The following PPP1R9A variants were observed in gnomAD, a reference collection of about 807,000 sequenced individuals.
The protein encoded by PPP1R9A is neurabin-1.
In PPP1R9A, 59 loss-of-function variants were observed where a neutral mutation model predicts 141.9. That is an observed-to-expected ratio of 0.42 (90% CI 0.34 to 0.52). PPP1R9A has a LOEUF of 0.52. Ranked by LOEUF, PPP1R9A falls within the 20% of genes least tolerant of loss-of-function variation. The pLI is 0.10. For missense variants in PPP1R9A, 1,444 were observed against 1,611.9 expected (o/e 0.90, Z 1.78); for synonymous variants, 500 against 569.7 (o/e 0.88, Z 1.74).
intron 2 of PPP1R9A, among the ~76,000 whole-genome samples, chr7:94,965,620 A>C (rs994726792): frequency 7.2e-5 from 11 of 152,184 alleles, no homozygotes; most frequent in African/African-American, 2.7e-4. Flanking sequence ...GTCAAGGATC[A>C]GATGGTTGTA....
intron 2 of PPP1R9A, among the ~76,000 whole-genome samples, chr7:95,086,194 G>T (rs948277181): frequency 6.6e-6 from 1 of 151,940 alleles, no homozygotes. Context: ...TGTTAGAATA[G>T]TTTTAAAATA....
chr7:94,957,754 T>G (rs930063494), intron 2 of PPP1R9A, among the ~76,000 whole-genome samples: 3 of 152,074 alleles, frequency 2.0e-5, no homozygotes, highest in Non-Finnish European at 4.4e-5. Context: ...ATATCCTACT[T>G]AGCCCACTTT....
intron 2 of PPP1R9A, among the ~76,000 whole-genome samples, chr7:95,073,322 A>G (rs1814280802): frequency 6.6e-6 from 1 of 152,020 alleles, no homozygotes; most frequent in African/African-American, 2.4e-5. Context: ...ATGAATTTAT[A>G]TTGTTTTAAT....
intron 2 of PPP1R9A, among the ~76,000 whole-genome samples, chr7:95,073,476 C>G (rs1423649156): frequency 6.6e-6 from 1 of 151,906 alleles, no homozygotes; most frequent in African/African-American, 2.4e-5. Flanking sequence ...TTGCCTGTCT[C>G]TTTTATAACT....
At chr7:95,033,892 T>C (rs1305993069) in intron 2 of PPP1R9A, among the ~76,000 whole-genome samples, 1 of 152,184 alleles carries the variant, frequency 6.6e-6, no homozygotes, top group Non-Finnish European at 1.5e-5. Context: ...TGATGCTATA[T>C]ACCAATGCTG....
chr7:95,091,946 C>CT (rs1399553252), intron 2 of PPP1R9A, among the ~76,000 whole-genome samples: 1 of 151,526 alleles, frequency 6.6e-6, no homozygotes, highest in Non-Finnish European at 1.5e-5. Context: ...GGCCAACTGT[C>CT]TGTCATCTGT....
At chr7:95,266,707 C>A (rs565581991) in intron 12 of PPP1R9A, among the ~76,000 whole-genome samples, 1 of 152,200 alleles carries the variant, frequency 6.6e-6, no homozygotes, top group African/African-American at 2.4e-5. Context: ...TATTATAGAG[C>A]ATACAATCCA....
intron 2 of PPP1R9A, among the ~76,000 whole-genome samples, chr7:95,028,955 T>A (rs1807277909): frequency 6.6e-6 from 1 of 152,136 alleles, no homozygotes; most frequent in Non-Finnish European, 1.5e-5. Flanking sequence ...TGCAGATTGG[T>A]CTCAGAAGAA....
chr7:95,101,889 C>T (rs192436663), intron 2 of PPP1R9A, among the ~76,000 whole-genome samples: 135 of 152,066 alleles, frequency 8.9e-4, no homozygotes, highest in African/African-American at 3.2e-3. Context: ...CCTTTTTGTA[C>T]ATTAACTGCT....
intron 2 of PPP1R9A, chr7:95,037,164 A>G (rs1808543818): frequency 6.6e-6 from 1 of 152,156 alleles, no homozygotes; most frequent in South Asian, 2.1e-4. Flanking sequence ...AGAAATGTTG[A>G]TAATTATTGA....
At chr7:94,977,770 T>C (rs1394472431) in intron 2 of PPP1R9A, among the ~76,000 whole-genome samples, 3 of 150,070 alleles carry the variant, frequency 2.0e-5, no homozygotes, top group Non-Finnish European at 4.5e-5. Context: ...TTTTCTTTTT[T>C]TTTTTTTTTT....
At chr7:95,246,986 C>G (rs1191724630) in intron 8 of PPP1R9A, among the ~76,000 whole-genome samples, 2 of 152,186 alleles carry the variant, frequency 1.3e-5, no homozygotes, top group Non-Finnish European at 2.9e-5. Context: ...TCCTCCTCCT[C>G]TCTCCCTTTG....
chr7:95,048,499 AT>A (rs541731094), intron 2 of PPP1R9A, among the ~76,000 whole-genome samples: 266 of 151,036 alleles, frequency 1.8e-3, no homozygotes, highest in Non-Finnish European at 2.2e-3. Flanking sequence ...ATATACTGGT[AT>A]TTTTTTTTAA....
At chr7:95,163,900 A>C (rs575221136) in intron 5 of PPP1R9A, among the ~76,000 whole-genome samples, 1 of 152,172 alleles carries the variant, frequency 6.6e-6, no homozygotes, top group East Asian at 1.9e-4. Context: ...CACCACATCC[A>C]GCTAATTTTG....
intron 7 of PPP1R9A, among the ~76,000 whole-genome samples, chr7:95,217,358 G>T (rs757564479): frequency 1.3e-5 from 2 of 152,296 alleles, no homozygotes; most frequent in Middle Eastern, 3.4e-3. Context: ...TGTGCTGCTG[G>T]ATTTGGTTTG....
Position 95,015,251 on chromosome 7 carries a change from C to T in PPP1R9A, c.1396-96008C>T, listed in dbSNP as rs200305398. ...ATACACACACACACACACACACATA[C>T]ACACACACATACATATACATATATA... is the stretch of plus-strand genomic sequence containing the variant. On this transcript the variant is annotated intron_variant, in intron 2 of 19. Transcript: ENST00000433360. Among the ~76,000 whole-genome samples, 13 of 137,534 alleles carry T rather than the reference C, an allele frequency of 9.5e-5. No homozygotes were observed. The East Asian group carries it at 6.6e-3, about 70-fold the overall frequency. The allele number at this position is 137,534 out of a possible 152,430, so 90.2% of individuals were successfully genotyped here. A position where few individuals can be genotyped will look rare whatever the true frequency, so the allele number is the denominator to read the frequency against.
In PPP1R9A at chr7:95,269,208, C is replaced by T. The variant is rs1045456996; in HGVS notation, c.2825C>T (p.Pro942Leu). Residue 942 changes from proline to leucine, a missense_variant and splice_region_variant, in exon 14 of 20, where the codon CCA becomes CTA. Physicochemically the swap from Pro to Leu is moderately conservative, Grantham distance 98 (BLOSUM62 -3). Coordinates refer to ENST00000433360, the MANE Select transcript of PPP1R9A (RefSeq NM_001166160.2). Reference sequence around the variant, plus strand: ...CCTTATAATCTCTTATACCAACAGCCATCAAACAGTTTCTATAACCACATG... The same window carrying T: ...CCTTATAATCTCTTATACCAACAGCTATCAAACAGTTTCTATAACCACATG... Reference protein sequence around the residue: ...TDGEDSLERKPSNSFYNHMHI... With the variant: ...TDGEDSLERKLSNSFYNHMHI... 14 of 1,523,654 alleles carry T rather than the reference C, an allele frequency of 9.2e-6. No homozygotes were observed. Among genetic ancestry groups the T allele is most frequent in the East Asian group, 4.5e-5 (2 of 44,438 alleles). The allele number at this position is 1,523,654 out of a possible 1,614,324, so 94.4% of individuals were successfully genotyped here.
Position 95,103,362 on chromosome 7 carries a change from C to CTTTTTTT in PPP1R9A, c.1396-7885_1396-7879dup, listed in dbSNP as rs897838647. Among the ~76,000 whole-genome samples, 10 of 88,814 alleles carry CTTTTTTT rather than the reference C, an allele frequency of 1.1e-4. 1 individual carries two copies. Among genetic ancestry groups the CTTTTTTT allele is most frequent in the Non-Finnish European group, 1.6e-4 (7 of 44,788 alleles). The allele number at this position is 88,814 out of a possible 152,430, so 58.3% of individuals were successfully genotyped here. On this transcript the variant is annotated intron_variant, in intron 2 of 19. Coordinates refer to ENST00000433360, the MANE Select transcript of PPP1R9A (RefSeq NM_001166160.2). ...GAGTATGTTTGGTTTTTTTTCACTT[C>CTTTTTTT]TTTTTTTTTTTTTTTTTTGAGACAG...
At chr7:95,205,694 G>C (rs944765541) in intron 7 of PPP1R9A, among the ~76,000 whole-genome samples, 5 of 152,102 alleles carry the variant, frequency 3.3e-5, no homozygotes, top group African/African-American at 1.2e-4. Flanking sequence ...GCTTAATCCT[G>C]TGCACCTTTC....
Sources: gnomAD v4.1 joint callset for allele counts (sites outside exome capture counted in the v4.1 genomes callset) on GRCh38, gnomAD v4.1.1 for gene constraint, MANE v1.5 for transcripts, NCBI Gene and HGNC (gene_info 2026-07-23, HGNC 2026-07-21) for gene names.